The following PALS2 variants were observed in gnomAD, a reference collection of about 807,000 sequenced individuals.
PALS2 encodes the protein protein PALS2.
A neutral mutation model predicts 61.6 loss-of-function variants in PALS2; 27 were observed. That is an observed-to-expected ratio of 0.44 (90% CI 0.32 to 0.60). The LOEUF (loss-of-function observed/expected upper bound fraction) is 0.60. Ranked by LOEUF, PALS2 falls within the 20% of genes least tolerant of loss-of-function variation. The probability of loss-of-function intolerance (pLI) is 0.05; values close to 1 mark genes in which losing one functional copy is unlikely to be tolerated. For missense variants in PALS2, 554 were observed against 639.4 expected (o/e 0.87, Z 1.44); for synonymous variants, 236 against 218.6 (o/e 1.08, Z -0.70).
At chr7:24,575,186 C>T (rs1782599035) in intron 1 of PALS2, among the ~76,000 whole-genome samples, 1 of 152,122 alleles carries the variant, frequency 6.6e-6, no homozygotes, top group Admixed American at 6.5e-5. Context: ...ATGGAGACTG[C>T]ACACCATCTT....
intron 1 of PALS2, among the ~76,000 whole-genome samples, chr7:24,597,737 A>T (rs79605385): frequency 6.6e-6 from 1 of 152,104 alleles, no homozygotes; most frequent in Non-Finnish European, 1.5e-5. Context: ...ATAAAGAATG[A>T]TGGTAATGTA....
intron 5 of PALS2, among the ~76,000 whole-genome samples, chr7:24,655,256 A>T (rs1786355100): frequency 6.6e-6 from 1 of 152,244 alleles, no homozygotes; most frequent in Non-Finnish European, 1.5e-5. Flanking sequence ...AGCTGGAAAC[A>T]TGTTAATAAG....
At position 24,692,003 on chromosome 7, in the gene PALS2, C is replaced by A. The variant is rs1584029207; in HGVS notation, c.*4389C>A. 1 of 152,124 alleles carries A rather than the reference C, an allele frequency of 6.6e-6. No homozygotes were observed. Among genetic ancestry groups the A allele is most frequent in the East Asian group, 1.9e-4 (1 of 5,180 alleles). The allele number at this position is 152,124 out of a possible 1,614,324, so 9.4% of individuals were successfully genotyped here. A position where few individuals can be genotyped will look rare whatever the true frequency, so the allele number is the denominator to read the frequency against. ...TATATTGTATACCTGAGGAAGATGA[C>A]AGTTCTATAATTTTTTTAAGGTAAG... On this transcript the variant is annotated 3_prime_UTR_variant, in exon 12 of 12. Coordinates refer to ENST00000222644, the MANE Select transcript of PALS2 (RefSeq NM_001303037.2).
chr7:24,656,676 C>G (rs1474937264), intron 5 of PALS2, among the ~76,000 whole-genome samples: 1 of 152,052 alleles, frequency 6.6e-6, no homozygotes, highest in Admixed American at 6.6e-5. Context: ...GCATGCACCA[C>G]CACACCCGGC....
chr7:24,678,413 A>G (rs943313272), intron 9 of PALS2, among the ~76,000 whole-genome samples: 2 of 152,212 alleles, frequency 1.3e-5, no homozygotes, highest in African/African-American at 2.4e-5. Flanking sequence ...GTCTAGCTCT[A>G]CCACTGAAGT....
At chr7:24,621,892 C>T (rs1269941934) in intron 1 of PALS2, among the ~76,000 whole-genome samples, 1 of 152,120 alleles carries the variant, frequency 6.6e-6, no homozygotes, top group East Asian at 1.9e-4. Flanking sequence ...GCGTCACTCT[C>T]TAACATGTAC....
chr7:24,594,662 G>C (rs1783431220), intron 1 of PALS2, among the ~76,000 whole-genome samples: 1 of 152,160 alleles, frequency 6.6e-6, no homozygotes, highest in Non-Finnish European at 1.5e-5. Flanking sequence ...ACATTTATCA[G>C]CTGTCTTATA....
chr7:24,615,594 T>TAA (rs201505894), intron 1 of PALS2, among the ~76,000 whole-genome samples: 4 of 150,170 alleles, frequency 2.7e-5, no homozygotes, highest in African/African-American at 9.8e-5. Context: ...GAATCAGTAA[T>TAA]AAAAAAAAAG....
At position 24,679,326 on chromosome 7, in the gene PALS2, A is replaced by C. The variant is rs74407305; in HGVS notation, c.1310A>C (p.Asn437Thr). Reference sequence around the variant, plus strand: ...GGACGGACTTGCATTCTGGATGTCAACCCACAAGTAAGCTGCTTGGATTCC... The same window carrying C: ...GGACGGACTTGCATTCTGGATGTCACCCCACAAGTAAGCTGCTTGGATTCC... ...QTGRTCILDV[N>T]PQALKVLRTS... The change falls in exon 10 of 12, where the codon AAC (asparagine) becomes ACC (threonine). Residue 437 changes from asparagine (N) to threonine (T), a missense_variant. Coordinates refer to ENST00000222644, the MANE Select transcript of PALS2 (RefSeq NM_001303037.2). The C allele has an allele frequency of 1.2e-6, 2 of 1,613,802 alleles. No homozygotes were observed. The highest frequency in any genetic ancestry group is 1.1e-5 in the South Asian group (1 of 90,970).
chr7:24,575,001 T>C (rs972056223), intron 1 of PALS2, among the ~76,000 whole-genome samples: 2 of 152,200 alleles, frequency 1.3e-5, no homozygotes, highest in African/African-American at 2.4e-5. Flanking sequence ...AAAGAACTTT[T>C]GTGGGTTGTG....
chr7:24,670,754 AT>A (rs1053172157), intron 9 of PALS2, among the ~76,000 whole-genome samples: 1 of 151,938 alleles, frequency 6.6e-6, no homozygotes, highest in African/African-American at 2.4e-5. Context: ...GTCAAAATAG[AT>A]TTGCTTATTT....
At chr7:24,643,181 CTTATG>C (rs1194794138) in intron 3 of PALS2, among the ~76,000 whole-genome samples, 1 of 152,034 alleles carries the variant, frequency 6.6e-6, no homozygotes, top group Non-Finnish European at 1.5e-5. Flanking sequence ...TTTGGACATA[CTTATG>C]TTAAGGAAAC....
At chr7:24,581,970 A>G (rs143535014) in intron 1 of PALS2, among the ~76,000 whole-genome samples, 12 of 152,292 alleles carry the variant, frequency 7.9e-5, no homozygotes, top group African/African-American at 2.6e-4. Flanking sequence ...TTCTTTAAGT[A>G]TGTGTCTTTT....
intron 9 of PALS2, among the ~76,000 whole-genome samples, chr7:24,671,881 T>G (rs1787314677): frequency 6.6e-6 from 1 of 151,894 alleles, no homozygotes; most frequent in Non-Finnish European, 1.5e-5. Flanking sequence ...AAACCCTCAG[T>G]TCTGTTCCAT....
chr7:24,601,798 C>T lies in PALS2; in HGVS notation c.-2-21868C>T, dbSNP rs542767815. Reference sequence around the variant, plus strand: ...TTTAAAGGCATCATTGCATCATCTTCTACCTTTAGATGTCATCATTGAGCC... The same window carrying T: ...TTTAAAGGCATCATTGCATCATCTTTTACCTTTAGATGTCATCATTGAGCC... On this transcript the variant is annotated intron_variant, in intron 1 of 11. Coordinates refer to ENST00000222644, the MANE Select transcript of PALS2 (RefSeq NM_001303037.2). Among the ~76,000 whole-genome samples, 780 of 152,198 alleles carry T rather than the reference C, an allele frequency of 5.1e-3. 3 individuals are homozygous for T. The highest frequency in any genetic ancestry group is 0.018 in the African/African-American group (738 of 41,536).
chr7:24,687,446 C>G lies in PALS2; in HGVS notation c.1455C>G (p.Asp485Glu). 1 of 1,607,962 alleles carries G rather than the reference C, an allele frequency of 6.2e-7. No homozygotes were observed. The highest frequency in any genetic ancestry group is 8.5e-7 in the Non-Finnish European group (1 of 1,178,114). The change falls in exon 12 of 12, where the codon GAC (aspartate) becomes GAG (glutamate). Residue 485 changes from aspartate (D) to glutamate (E), a missense_variant. Asp to Glu is a conservative substitution (Grantham distance 45, BLOSUM62 2). Coordinates refer to ENST00000222644, the MANE Select transcript of PALS2 (RefSeq NM_001303037.2). The surrounding 1 kb of genome is among the most constrained non-coding windows in gnomAD (Gnocchi z 4.5). ...TTAAAACTCTTCAACAGGACTCTGACTTGAAGAAAACAGTGGATGAAAGTG... is the reference window on the plus strand; with the variant it reads ...TTAAAACTCTTCAACAGGACTCTGAGTTGAAGAAAACAGTGGATGAAAGTG... ...GITTKLLTDSDLKKTVDESAR... is the reference protein window; with the variant it reads ...GITTKLLTDSELKKTVDESAR...
At chr7:24,676,681 G>T (rs1414036202) in intron 9 of PALS2, among the ~76,000 whole-genome samples, 2 of 151,336 alleles carry the variant, frequency 1.3e-5, no homozygotes, top group African/African-American at 4.9e-5. Context: ...AGATCAGATA[G>T]TTGTAGATAC....
At chr7:24,624,608 T>C (rs28716992) in intron 2 of PALS2, among the ~76,000 whole-genome samples, 63 of 45,178 alleles carry the variant, frequency 1.4e-3, no homozygotes, top group East Asian at 4.9e-3. Flanking sequence ...GATTCTTCTT[T>C]TTTTTTTTTT....
chr7:24,616,612 A>G (rs1784301482), intron 1 of PALS2, among the ~76,000 whole-genome samples: 1 of 152,120 alleles, frequency 6.6e-6, no homozygotes, highest in Admixed American at 6.5e-5. Context: ...TTTTAAATCC[A>G]TTCATCCAGT....
Sources: allele counts gnomAD v4.1 joint callset (sites outside exome capture counted in the v4.1 genomes callset), GRCh38; gene constraint gnomAD v4.1.1; non-coding constraint Gnocchi (gnomAD v3.1); transcripts MANE v1.5; gene names NCBI Gene and HGNC (gene_info 2026-07-23, HGNC 2026-07-21).